UPF2: variants seen among roughly 807,000 people sequenced by gnomAD.
UPF2 encodes the protein UPF2 regulator of nonsense mediated mRNA decay.
Under a neutral mutation model 141.4 loss-of-function variants are expected in UPF2, and 17 were observed. The ratio of observed to expected loss-of-function variants is 0.12; its 90% confidence interval spans 0.08 to 0.18. The LOEUF (loss-of-function observed/expected upper bound fraction) is 0.18, where lower values mean the gene tolerates loss of function less well. UPF2 is among the 10% of genes least tolerant of loss of function. The pLI is 1.00. For missense variants in UPF2, 1,152 were observed against 1,515.9 expected (o/e 0.76, Z 3.99); for synonymous variants, 540 against 498.0 (o/e 1.08, Z -1.12).
chr10:12,011,772 C>G (rs1834131619), intron 4 of UPF2, among the ~76,000 whole-genome samples: 1 of 151,698 alleles, frequency 6.6e-6, no homozygotes, highest in Non-Finnish European at 1.5e-5. Context: ...ATGGAGAAAC[C>G]CTGTCTCTAC....
rs542723001 is a variant in UPF2 at position 11,979,277 on chromosome 10, A to C, written c.1845-112T>G. ...CACATTAAATGATCTTAAAACTCAT[A>C]ATCATACAGACATGCCTATTTATTG... On this transcript the variant is annotated intron_variant, in intron 8 of 21. Coordinates refer to ENST00000357604, the MANE Select transcript of UPF2 (RefSeq NM_015542.4). The surrounding 1 kb of genome is among the most constrained non-coding windows in gnomAD (Gnocchi z 6.2). 2.9e-6 allele frequency: 2 copies of C among 680,214 alleles called. No individual in the cohort carries two copies. Among genetic ancestry groups the C allele is most frequent in the African/African-American group, 1.8e-5 (1 of 55,956 alleles). 42.1% of individuals were successfully genotyped at this position (680,214 alleles called of 1,614,324 possible).
At chr10:12,011,549 C>T (rs1195077270) in intron 4 of UPF2, among the ~76,000 whole-genome samples, 3 of 151,880 alleles carry the variant, frequency 2.0e-5, no homozygotes, top group East Asian at 1.9e-4. Context: ...TGCAGTGAGC[C>T]GGGACTGCAC....
rs1402937783 is a variant in UPF2, at chr10:11,921,653, G to A, written c.3810-346C>T. On this transcript the variant is annotated intron_variant, in intron 21 of 21. Transcript: ENST00000357604. This position sits in a 1 kb window ranked among gnomAD's most constrained non-coding sequence, Gnocchi z 5.9. ...ACCATTTTTTACCAGGGACTTGAAT[G>A]TCTGTGCATTTTGGTGTCTGAGGGG... Among the ~76,000 whole-genome samples, 1 of 152,168 alleles carries A rather than the reference G, an allele frequency of 6.6e-6. No homozygotes were observed. The highest frequency in any genetic ancestry group is 2.4e-5 in the African/African-American group (1 of 41,436).
rs1278849814 is a variant in UPF2, at chr10:11,939,353, C to A, written c.3379-2641G>T. Reference sequence around the variant, plus strand: ...ATTCTGCTGTGGAAATAAAACAGAACGTCAACTTTATTTTTGTTTATTGTC... The same window carrying A: ...ATTCTGCTGTGGAAATAAAACAGAAAGTCAACTTTATTTTTGTTTATTGTC... On this transcript the variant is annotated intron_variant, in intron 18 of 21. Coordinates refer to ENST00000357604, the MANE Select transcript of UPF2 (RefSeq NM_015542.4). This position sits in a 1 kb window ranked among gnomAD's most constrained non-coding sequence, Gnocchi z 4.8. 1.3e-5 allele frequency among the ~76,000 whole-genome samples: 2 copies of A among 152,044 alleles called. No individual in the cohort carries two copies. The highest frequency in any genetic ancestry group is 4.8e-5 in the African/African-American group (2 of 41,396).
At chr10:11,946,506 A>G (rs539960861) in intron 16 of UPF2, among the ~76,000 whole-genome samples, 34 of 152,348 alleles carry the variant, frequency 2.2e-4, no homozygotes, top group African/African-American at 7.0e-4. Context: ...AAATTTCCCC[A>G]AAACACTTAA....
intron 4 of UPF2, among the ~76,000 whole-genome samples, chr10:12,005,928 G>C (rs181159867): frequency 2.7e-4 from 41 of 152,170 alleles, no homozygotes; most frequent in Non-Finnish European, 4.9e-4. Context: ...TGCCAAGGCT[G>C]GCGTGCAGTG....
At chr10:11,960,797 A>C (rs1481317717) in intron 11 of UPF2, among the ~76,000 whole-genome samples, 1 of 151,780 alleles carries the variant, frequency 6.6e-6, no homozygotes, top group African/African-American at 2.4e-5. Flanking sequence ...ATAAGAAAGA[A>C]AGAAAGGAAA....
chr10:11,986,741 C>A (rs930571089), intron 8 of UPF2, among the ~76,000 whole-genome samples: 1 of 152,182 alleles, frequency 6.6e-6, no homozygotes, highest in African/African-American at 2.4e-5. Context: ...CAACCAAATG[C>A]CCTGTTGACT....
chr10:11,950,529 AAGCCTGCAGTCCTTTAATTT>A lies in UPF2; in HGVS notation c.3034+1517_3034+1536del, dbSNP rs573571403. On this transcript the variant is annotated intron_variant, in intron 15 of 21. Transcript: ENST00000357604. ...TAAACAAGGACAAAGTCCTCACAAG[AAGCCTGCAGTCCTTTAATTT>A]AGCCTTTTGATCTACAAAGGACAAA... 2.2e-4 allele frequency among the ~76,000 whole-genome samples: 34 copies of A among 152,328 alleles called. No individual in the cohort carries two copies. In the East Asian group the frequency reaches 6.4e-3, roughly 28 times the overall value.
chr10:12,005,717 CG>C (rs1475349644), intron 4 of UPF2, among the ~76,000 whole-genome samples: 6 of 151,820 alleles, frequency 4.0e-5, no homozygotes, highest in Middle Eastern at 3.2e-3. Context: ...TACAGGCGCC[CG>C]CCACCACACT....
Position 11,923,670 on chromosome 10 carries a change from C to CAA in UPF2, c.3810-2365_3810-2364dup, listed in dbSNP as rs58541027. 2.9e-4 allele frequency among the ~76,000 whole-genome samples: 31 copies of CAA among 106,936 alleles called. 1 individual carries two copies. Among genetic ancestry groups the CAA allele is most frequent in the East Asian group, 1.3e-3 (4 of 3,114 alleles). 70.2% of individuals were successfully genotyped at this position (106,936 alleles called of 152,430 possible). ...ACTCCGATATAGCGAGACCCCATCT[C>CAA]AAAAAAAAAAAAAAAAAAATTAGCT... is the stretch of plus-strand genomic sequence containing the variant. On this transcript the variant is annotated intron_variant, in intron 21 of 21. Transcript: ENST00000357604.
In UPF2 at chr10:12,028,771, C is replaced by G; in HGVS notation, c.1119G>C (p.Glu373Asp). The change falls in exon 3 of 22, where the codon GAG (glutamate) becomes GAC (aspartate). Residue 373 changes from glutamate (E) to aspartate (D), a missense_variant. Physicochemically the swap from Glu to Asp is conservative, Grantham distance 45. This residue lies in a region of UPF2 where 739 missense variants were observed against 1,032.2 expected (regional missense o/e 0.72). Coordinates refer to ENST00000357604, the MANE Select transcript of UPF2 (RefSeq NM_015542.4). ...TGTTTTGTCTCTCAGTATTCTGGAG[C>G]TCCCTGTGGTCCCTTTTCAGGTGTT... The part of the protein sequence containing the change: ...LTKHLKRDHR[E>D]LQNTERQNRR... 6.2e-7 allele frequency: 1 copy of G among 1,604,110 alleles called. No homozygotes were observed. Among genetic ancestry groups the G allele is most frequent in the Non-Finnish European group, 8.5e-7 (1 of 1,176,448 alleles).
chr10:12,020,833 A>T (rs1834305041), intron 3 of UPF2, among the ~76,000 whole-genome samples: 1 of 152,220 alleles, frequency 6.6e-6, no homozygotes, highest in South Asian at 2.1e-4. Flanking sequence ...CTCTAGCTCC[A>T]GAGTCCACGC....
chr10:11,990,746 C>T (rs1267879949), intron 8 of UPF2, among the ~76,000 whole-genome samples: 3 of 147,062 alleles, frequency 2.0e-5, no homozygotes, highest in South Asian at 2.2e-4. Flanking sequence ...CTCAGCACTT[C>T]GGGAGGCCGA....
rs1365772991 is a variant in UPF2, at chr10:12,019,853, T to C, written c.1146-5669A>G. ...ATTCTCCCTGCCTCAGCCTCCCACA[T>C]AGCTGGGATTACAGGAGCCTGCCAC... On this transcript the variant is annotated intron_variant, in intron 3 of 21. Coordinates refer to ENST00000357604, the MANE Select transcript of UPF2 (RefSeq NM_015542.4). The surrounding 1 kb of genome is among the most constrained non-coding windows in gnomAD (Gnocchi z 4.5). Among the ~76,000 whole-genome samples, 1 of 151,918 alleles carries C rather than the reference T, an allele frequency of 6.6e-6. No individual in the cohort carries two copies. The highest frequency in any genetic ancestry group is 2.4e-5 in the African/African-American group (1 of 41,384).
chr10:11,983,422 G>A (rs1833632740), intron 8 of UPF2, among the ~76,000 whole-genome samples: 1 of 152,136 alleles, frequency 6.6e-6, no homozygotes, highest in Non-Finnish European at 1.5e-5. Context: ...GCCCAGGCTG[G>A]AGTGCAGTGG....
chr10:11,936,367 A>AAAAAACAAAAAC lies in UPF2; in HGVS notation c.3546+166_3546+177dup, dbSNP rs535061362. On this transcript the variant is annotated intron_variant, in intron 19 of 21. Coordinates refer to ENST00000357604, the MANE Select transcript of UPF2 (RefSeq NM_015542.4). The surrounding 1 kb of genome is among the most constrained non-coding windows in gnomAD (Gnocchi z 6.6). ...GCGACAAAGTGAGACGCCGTCTCAAAAAAAACAAAAACAAAAACAAAAACA... is the reference window on the plus strand; with the variant it reads ...GCGACAAAGTGAGACGCCGTCTCAAAAAAAACAAAAACAAAAACAAAAACAAAAACAAAAACA... 8.4e-4 allele frequency among the ~76,000 whole-genome samples: 127 copies of AAAAAACAAAAAC among 152,002 alleles called. No homozygotes were observed. The highest frequency in any genetic ancestry group is 3.4e-3 in the Middle Eastern group (1 of 294).
At chr10:11,983,366 G>A (rs1386172974) in intron 8 of UPF2, among the ~76,000 whole-genome samples, 1 of 152,038 alleles carries the variant, frequency 6.6e-6, no homozygotes, top group South Asian at 2.1e-4. Context: ...TGGTCATGCT[G>A]GATTCTTATT....
chr10:11,955,956 A>C (rs914052584), intron 13 of UPF2, among the ~76,000 whole-genome samples: 2 of 152,170 alleles, frequency 1.3e-5, no homozygotes, highest in African/African-American at 4.8e-5. Flanking sequence ...AGCCTGGCCG[A>C]CATGGCAAAA....
Sources: allele counts gnomAD v4.1 joint callset (sites outside exome capture counted in the v4.1 genomes callset), GRCh38; gene constraint gnomAD v4.1.1; regional missense constraint gnomAD v4.1.1; non-coding constraint Gnocchi (gnomAD v3.1); transcripts MANE v1.5; gene names NCBI Gene and HGNC (gene_info 2026-07-23, HGNC 2026-07-21).